The following LRRC57 variants were observed in gnomAD, a reference collection of about 807,000 sequenced individuals.
LRRC57 encodes leucine rich repeat containing 57, also known as leucine-rich repeat-containing protein 57.
Under a neutral mutation model 23.1 loss-of-function variants are expected in LRRC57, and 14 were observed. The observed-to-expected ratio is 0.61, with a 90% CI of 0.40 to 0.95. The LOEUF (loss-of-function observed/expected upper bound fraction) is 0.95. Among genes scored for constraint, LRRC57 ranks in the 40% least tolerant of loss-of-function variants. The pLI is 0.00. For missense variants in LRRC57, 236 were observed against 284.4 expected, an observed-to-expected ratio of 0.83 and a Z score of 1.22; for synonymous variants, 106 against 115.2, an observed-to-expected ratio of 0.92 and a Z score of 0.51.
chr15:42,545,487 A>G (rs901548213), intron 4 of LRRC57: 4 of 315,634 alleles, frequency 1.3e-5, no homozygotes, highest in African/African-American at 6.4e-5. Context: ...AAGGTCACCC[A>G]TGGCTTTTTG....
At chr15:42,532,480 A>G in the LRRC57 span, 1 of 152,318 alleles carries the variant, frequency 6.6e-6, no homozygotes, top group Non-Finnish European at 1.5e-5. Context: ...ATTCAGGAAC[A>G]CTTTATATAA....
chr15:42,539,823 A>G lies in LRRC57; in HGVS notation c.*4260T>C, dbSNP rs1383960744. 6.6e-6 allele frequency: 1 copy of G among 152,246 alleles called. No homozygotes were observed. The highest frequency in any genetic ancestry group is 2.4e-5 in the African/African-American group (1 of 41,448). The allele number at this position is 152,246 out of a possible 1,614,324, so 9.4% of individuals were successfully genotyped here. A position where few individuals can be genotyped will look rare whatever the true frequency, so the allele number is the denominator to read the frequency against. On this transcript the variant is annotated 3_prime_UTR_variant, in exon 6 of 6. Coordinates refer to ENST00000397130, the MANE Select transcript of LRRC57 (RefSeq NM_153260.3). ...ATAAATATAGAATGTGAGAAGTGCTATAGTAACAGATGGGTGAGCAGTTAA... is the reference window on the plus strand; with the variant it reads ...ATAAATATAGAATGTGAGAAGTGCTGTAGTAACAGATGGGTGAGCAGTTAA...
chr15:42,535,947 G>A (rs1024644946), downstream of LRRC57, among the ~76,000 whole-genome samples: 1 of 152,062 alleles, frequency 6.6e-6, no homozygotes, highest in African/African-American at 2.4e-5. Flanking sequence ...GTGTGGTGGT[G>A]CATATCTATA....
intron 3 of LRRC57, chr15:42,547,742 G>A (rs1020585446): frequency 3.5e-6 from 2 of 572,232 alleles, no homozygotes; most frequent in South Asian, 4.9e-5. Context: ...TGTGTATAAT[G>A]GGCTCCTTTT....
At chr15:42,546,073 A>G (rs1011866056) in intron 4 of LRRC57, among the ~76,000 whole-genome samples, 2 of 152,210 alleles carry the variant, frequency 1.3e-5, no homozygotes, top group Non-Finnish European at 1.5e-5. Context: ...ATACCAAGCA[A>G]TTGTCTTTGA....
chr15:42,548,650 C>A, intron 1 of LRRC57, 43 bp downstream of exon 1: 3 of 626,118 alleles, frequency 4.8e-6, no homozygotes, highest in Non-Finnish European at 8.3e-6. Flanking sequence ...GGAGGCCAGG[C>A]GCCTCTGGGA....
downstream of LRRC57, among the ~76,000 whole-genome samples, chr15:42,537,231 T>TCA (rs777117722): frequency 0.027 from 3,558 of 132,030 alleles, 128 homozygotes; most frequent in African/African-American, 0.11. Context: ...TCTCTCTCTC[T>TCA]CTCACACACA....
chr15:42,528,412 C>A, the LRRC57 span: 1 of 1,614,076 alleles, frequency 6.2e-7, no homozygotes, highest in Non-Finnish European at 8.5e-7. Context: ...GTGGTGGATA[C>A]ATTAAACGGT....
In LRRC57 at chr15:42,543,908, CTTAT is replaced by C; in HGVS notation, c.*171_*174del. 9.8e-6 allele frequency: 5 copies of C among 508,026 alleles called. No individual in the cohort carries two copies. The highest frequency in any genetic ancestry group is 1.8e-5 in the Non-Finnish European group (5 of 284,272). 31.5% of individuals were successfully genotyped at this position (508,026 alleles called of 1,614,324 possible). On this transcript the variant is annotated 3_prime_UTR_variant, in exon 6 of 6. Transcript: ENST00000397130. ...TGTCTCCTGATCCTTTTTCTTTTAG[CTTAT>C]TTGAGAAGAGCCCTGAAATGAGAAA...
At chr15:42,529,729 C>T in the LRRC57 span, 22 of 1,613,794 alleles carry the variant, frequency 1.4e-5, no homozygotes, top group Non-Finnish European at 1.7e-5. Context: ...CTCAAGTGGG[C>T]AGTATCCTGG....
chr15:42,538,286 T>C lies in LRRC57; in HGVS notation c.*5797A>G, dbSNP rs951883784. 1.3e-5 allele frequency: 2 copies of C among 152,208 alleles called. No individual in the cohort carries two copies. Among genetic ancestry groups the C allele is most frequent in the Admixed American group, 1.3e-4 (2 of 15,266 alleles). 9.4% of individuals were successfully genotyped at this position (152,208 alleles called of 1,614,324 possible). A position where few individuals can be genotyped will look rare whatever the true frequency, so the allele number is the denominator to read the frequency against. On this transcript the variant is annotated 3_prime_UTR_variant, in exon 6 of 6. Coordinates refer to ENST00000397130, the MANE Select transcript of LRRC57 (RefSeq NM_153260.3). ...CAGGTTATCCCAATTACATTCCTAA[T>C]CAGATTTTATTTCTCAGATTGATAT...
At chr15:42,529,887 G>A in the LRRC57 span, 1 of 1,523,612 alleles carries the variant, frequency 6.6e-7, no homozygotes, top group South Asian at 1.2e-5. Flanking sequence ...AGACATCTGT[G>A]CTAGATACTG....
At chr15:42,545,431 T>C (rs897742009) in intron 4 of LRRC57, 169 bp from the exon 5 acceptor site, 5 of 405,374 alleles carry the variant, frequency 1.2e-5, no homozygotes, top group Non-Finnish European at 2.1e-5. Context: ...GCCTCTGTTA[T>C]CTAGCTTCTG....
At chr15:42,531,070 C>CT in the LRRC57 span, among the ~76,000 whole-genome samples, 2 of 152,134 alleles carry the variant, frequency 1.3e-5, no homozygotes, top group African/African-American at 4.8e-5. Context: ...AGGTCCAGAT[C>CT]TTTAACAGAG....
At chr15:42,529,794 C>T in the LRRC57 span, 5 of 1,612,730 alleles carry the variant, frequency 3.1e-6, no homozygotes, top group South Asian at 3.3e-5. Flanking sequence ...GCTCAAAATC[C>T]ACAAATAAAA....
chr15:42,529,240 C>T, the LRRC57 span, among the ~76,000 whole-genome samples: 10 of 152,130 alleles, frequency 6.6e-5, no homozygotes, highest in South Asian at 1.0e-3. Context: ...GTCCTTGGGC[C>T]GTAGTTTTCC....
Position 42,547,305 on chromosome 15 carries a change from C to G in LRRC57, c.448G>C (p.Val150Leu), listed in dbSNP as rs1352669222. Residue 150 changes from valine to leucine, a missense_variant, in exon 4 of 6, where the codon GTG (valine) becomes CTG (leucine). Transcript: ENST00000397130. ...KNQIRSIPDS[V>L]GELQVIELNL... ...AGTTCGATGACTTGCAGCTCTCCCA[C>G]TGAGTCAGGTATACTTCGAATCTGG... 6 of 1,614,216 alleles carry G rather than the reference C, an allele frequency of 3.7e-6. No homozygotes were observed. Among genetic ancestry groups the G allele is most frequent in the Non-Finnish European group, 5.1e-6 (6 of 1,180,032 alleles).
the LRRC57 span, chr15:42,529,619 C>T: frequency 3.2e-6 from 5 of 1,575,828 alleles, no homozygotes; most frequent in Non-Finnish European, 4.3e-6. Flanking sequence ...AAAGTAAATC[C>T]AGACTTTTAT....
At chr15:42,534,723 T>C (rs1245562867), downstream of LRRC57, among the ~76,000 whole-genome samples, 1 of 152,214 alleles carries the variant, frequency 6.6e-6, no homozygotes, top group Non-Finnish European at 1.5e-5. Flanking sequence ...CAACACAACA[T>C]TAATCTTGTA....
Sources: gnomAD v4.1 joint callset for allele counts (sites outside exome capture counted in the v4.1 genomes callset) on GRCh38, gnomAD v4.1.1 for gene constraint, MANE v1.5 for transcripts, NCBI Gene and HGNC (gene_info 2026-07-23, HGNC 2026-07-21) for gene names.